Variants in AFP observed in about 807,000 individuals in gnomAD.
The protein encoded by AFP is alpha fetoprotein, also known as alpha-fetoprotein.
A neutral mutation model predicts 78.9 loss-of-function variants in AFP; 64 were observed. The ratio of observed to expected loss-of-function variants is 0.81; its 90% CI spans 0.66 to 1.00. The LOEUF (loss-of-function observed/expected upper bound fraction) is 1.00. Ranked by LOEUF, AFP falls within the 50% of genes least tolerant of loss-of-function variation. The pLI is 0.00. For synonymous variants in AFP, 254 were observed against 243.8 expected (o/e 1.04, Z -0.39); for missense variants, 689 against 703.8 (o/e 0.98, Z 0.24).
intron 9 of AFP, 34 bp from the exon 10 acceptor site, chr4:73,450,002 G>A: frequency 6.7e-7 from 1 of 1,495,770 alleles, no homozygotes; most frequent in East Asian, 2.4e-5. Flanking sequence ...TCCAAGAAAA[G>A]AAAAATGTAT....
chr4:73,452,612 C>A lies in AFP; in HGVS notation c.1640C>A (p.Thr547Lys), dbSNP rs114970091. 1 of 1,611,688 alleles carries A rather than the reference C, an allele frequency of 6.2e-7. No homozygotes were observed. The highest frequency in any genetic ancestry group is 8.5e-7 in the Non-Finnish European group (1 of 1,178,054). Residue 547 changes from threonine to lysine, a missense_variant, in exon 12 of 15, where the codon ACA becomes AAA. Physicochemically the swap from Thr to Lys is moderately conservative, Grantham distance 78 (BLOSUM62 -1). Coordinates refer to ENST00000395792, the MANE Select transcript of AFP (RefSeq NM_001134.3). ...CAAGCTCAGGGTGTAGCGCTGCAAACAATGAAGCAAGAGTAAGAAACTGTT... is the reference window on the plus strand; with the variant it reads ...CAAGCTCAGGGTGTAGCGCTGCAAAAAATGAAGCAAGAGTAAGAAACTGTT... ...LCQAQGVALQ[T>K]MKQEFLINLV...
At chr4:73,455,598 T>A in intron 14 of AFP, 33 bp from the exon 15 acceptor site, 1 of 682,712 alleles carries the variant, frequency 1.5e-6, no homozygotes, top group Non-Finnish European at 2.6e-6. Flanking sequence ...ATTAGTTTAA[T>A]TAGTATTTAA....
rs777431822 is a variant in AFP, at chr4:73,447,596, A to G, written c.978A>G (p.Leu326=). The change falls in exon 8 of 15, where the codon CTA becomes CTG. Residue 326 remains leucine, a synonymous_variant. Transcript: ENST00000395792. ...AAAATGATGAAAAACCTGAAGGTCT[A>G]TCTCCAAATCTAAACAGGTTTTTAG... ...HAENDEKPEG[L]SPNLNRFLGD... 12 of 1,612,182 alleles carry G rather than the reference A, an allele frequency of 7.4e-6. No individual in the cohort carries two copies. The highest frequency in any genetic ancestry group is 2.2e-5 in the South Asian group (2 of 90,986).
intron 11 of AFP, 39 bp downstream of exon 11, chr4:73,450,792 C>T (rs1181881247): frequency 1.9e-6 from 3 of 1,612,756 alleles, no homozygotes; most frequent in African/African-American, 2.7e-5. Context: ...TCATTTCTGC[C>T]CTGTTTGACT....
intron 6 of AFP, 86 bp downstream of exon 6, chr4:73,443,530 GT>G: frequency 9.7e-7 from 1 of 1,032,246 alleles, no homozygotes; most frequent in South Asian, 1.3e-5. Context: ...AATTGTTGCT[GT>G]TTTAGAGAAT....
chr4:73,455,376 A>G, intron 14 of AFP, 86 bp downstream of exon 14: 1 of 1,105,304 alleles, frequency 9.0e-7, no homozygotes, highest in Admixed American at 1.9e-5. Context: ...GAGGAGTGCC[A>G]TTAATTCTCT....
At chr4:73,438,996 A>G (rs779870390) in intron 3 of AFP, among the ~76,000 whole-genome samples, 1 of 152,208 alleles carries the variant, frequency 6.6e-6, no homozygotes, top group Non-Finnish European at 1.5e-5. Context: ...CTTAAAATTG[A>G]CAGTCTTAGT....
At chr4:73,447,336 CT>C in intron 7 of AFP, 125 bp from the exon 8 acceptor site, 4 of 611,658 alleles carry the variant, frequency 6.5e-6, no homozygotes, top group South Asian at 2.7e-5. Flanking sequence ...CTTTCCTGGC[CT>C]TTTTTCCTTC....
Position 73,443,450 on chromosome 4 carries a change from T to C in AFP, c.713+6T>C. 1 of 1,595,212 alleles carries C rather than the reference T, an allele frequency of 6.3e-7. No homozygotes were observed. The highest frequency in any genetic ancestry group is 8.6e-7 in the Non-Finnish European group (1 of 1,162,888). ...ACCCGAACTTTCCAAGCCATGTAAG[T>C]TCAAGTTCTATCTAGGGAAGAGGGT... is the stretch of plus-strand genomic sequence containing the variant. On this transcript the variant is annotated splice_donor_region_variant and intron_variant, in intron 6 of 14. Transcript: ENST00000395792.
intron 3 of AFP, 43 bp from the exon 4 acceptor site, chr4:73,440,559 C>A (rs755510178): frequency 1.3e-6 from 2 of 1,506,000 alleles, no homozygotes; most frequent in Admixed American, 3.3e-5. Context: ...ATTTTTAAAG[C>A]AAAGTTAGTT....
chr4:73,453,399 T>A (rs983152524), intron 12 of AFP: 13 of 264,684 alleles, frequency 4.9e-5, no homozygotes, highest in Non-Finnish European at 7.4e-5. Flanking sequence ...AGGGGTGTGA[T>A]AACTGGATGG....
At chr4:73,448,043 A>T (rs1448939694) in intron 8 of AFP, among the ~76,000 whole-genome samples, 1 of 152,158 alleles carries the variant, frequency 6.6e-6, no homozygotes, top group Non-Finnish European at 1.5e-5. Context: ...AGAAGAGTTC[A>T]TGATTAAGAA....
intron 3 of AFP, among the ~76,000 whole-genome samples, chr4:73,439,795 GT>G (rs544307132): frequency 6.6e-6 from 1 of 151,852 alleles, no homozygotes; most frequent in Non-Finnish European, 1.5e-5. Context: ...CAAGAAAAGT[GT>G]TTTTTTAAAA....
At chr4:73,455,349 A>G in intron 14 of AFP, 59 bp downstream of exon 14, 1 of 1,328,572 alleles carries the variant, frequency 7.5e-7, no homozygotes, top group East Asian at 2.3e-5. Flanking sequence ...ATATCAATCC[A>G]TAATGAGATA....
At position 73,440,646 on chromosome 4, in the gene AFP, G is replaced by A. The variant is rs1263068526; in HGVS notation, c.315G>A (p.Leu105=). Reference sequence around the variant, plus strand: ...AACTTTGCCATGAGAAAGAAATTTTGGAGAAGTACGGACATTCAGACTGCT... The same window carrying A: ...AACTTTGCCATGAGAAAGAAATTTTAGAGAAGTACGGACATTCAGACTGCT... The part of the protein sequence containing the change: ...LEELCHEKEI[L]EKYGHSDCCS... The change falls in exon 4 of 15, where the codon TTG becomes TTA. Residue 105 remains leucine, a synonymous_variant. Transcript: ENST00000395792. 6.2e-7 allele frequency: 1 copy of A among 1,614,164 alleles called. No homozygotes were observed. Among genetic ancestry groups the A allele is most frequent in the Admixed American group, 1.7e-5 (1 of 60,024 alleles).
chr4:73,443,732 T>C (rs76417608), intron 6 of AFP, among the ~76,000 whole-genome samples: 218 of 152,310 alleles, frequency 1.4e-3, no homozygotes, highest in African/African-American at 5.0e-3. Context: ...TGGCCTGCCA[T>C]CAAATTATAC....
Position 73,444,986 on chromosome 4 carries a change from TC to T in AFP, c.714-4del. The T allele has an allele frequency of 6.2e-7, 1 of 1,601,402 alleles. No individual in the cohort carries two copies. The highest frequency in any genetic ancestry group is 8.5e-7 in the Non-Finnish European group (1 of 1,171,018). On this transcript the variant is annotated splice_region_variant and splice_polypyrimidine_tract_variant and intron_variant, in intron 6 of 14. Transcript: ENST00000395792. ...AAATTAATTTCTAATTTCTTTTTTT[TC>T]CCTAGAACTGTTACTAAACTGAGTC...
At chr4:73,452,778 T>A (rs1384092570) in intron 12 of AFP, among the ~76,000 whole-genome samples, 154 bp downstream of exon 12, 1 of 152,210 alleles carries the variant, frequency 6.6e-6, no homozygotes, top group East Asian at 1.9e-4. Context: ...TGTCTCAGTG[T>A]CTTCACAGTC....
At chr4:73,440,844 C>T in intron 4 of AFP, 31 bp downstream of exon 4, 1 of 1,588,326 alleles carries the variant, frequency 6.3e-7, no homozygotes, top group East Asian at 2.2e-5. Context: ...TAGATGCAAA[C>T]CTCAGAAACA....
Sources: gnomAD v4.1 joint callset for allele counts (sites outside exome capture counted in the v4.1 genomes callset) on GRCh38, gnomAD v4.1.1 for gene constraint, MANE v1.5 for transcripts, NCBI Gene and HGNC (gene_info 2026-07-23, HGNC 2026-07-21) for gene names.